TRAPPC6A: variants seen among roughly 807,000 people sequenced by gnomAD.
TRAPPC6A encodes the protein TRAPP complex subunit 6A.
In TRAPPC6A, 25 loss-of-function variants were observed where a neutral mutation model predicts 20.8. The ratio of observed to expected loss-of-function variants is 1.20; its 90% CI spans 0.88 to 1.68. The LOEUF (loss-of-function observed/expected upper bound fraction) is 1.68. TRAPPC6A is among the 40% of genes most tolerant of loss of function. TRAPPC6A has a pLI of 0.00. For synonymous variants in TRAPPC6A, 96 were observed against 93.3 expected (o/e 1.03, Z -0.16); for missense variants, 215 against 211.6 (o/e 1.02, Z -0.10).
At chr19:45,175,248 G>A (rs1239884157) in intron 1 of TRAPPC6A, among the ~76,000 whole-genome samples, 5 of 140,270 alleles carry the variant, frequency 3.6e-5, no homozygotes, top group East Asian at 2.1e-4. Flanking sequence ...GGGACAGACC[G>A]AGACTCTGTC....
At position 45,165,046 on chromosome 19, in the gene TRAPPC6A, G is replaced by A. The variant is rs963974774; in HGVS notation, c.153-76C>T. 5 of 1,608,128 alleles carry A rather than the reference G, an allele frequency of 3.1e-6. No individual in the cohort carries two copies. In the African/African-American group the frequency reaches 6.7e-5, roughly 21 times the overall value. On this transcript the variant is annotated intron_variant, in intron 2 of 5. Transcript: ENST00000585934. ...AGGAAGACAGGCCCGACTCCTGCAT[G>A]GAGCAATGCAACCCTCCCCGCCCGG...
At position 45,163,262 on chromosome 19, in the gene TRAPPC6A, G is replaced by A. The variant is rs112150864; in HGVS notation, c.449-39C>T. The A allele has an allele frequency of 1.1e-5, 17 of 1,612,168 alleles. No homozygotes were observed. The Admixed American group carries it at 2.3e-4, about 22-fold the overall frequency. ...CCTGGCTTAGGCTTGAGGATGGGATGGGGGAGGCAGAGGGCACCTGGACGG... is the reference window on the plus strand; with the variant it reads ...CCTGGCTTAGGCTTGAGGATGGGATAGGGGAGGCAGAGGGCACCTGGACGG... On this transcript the variant is annotated intron_variant, in intron 5 of 5. Transcript: ENST00000585934. This position sits in a 1 kb window ranked among gnomAD's most constrained non-coding sequence, Gnocchi z 5.3.
chr19:45,164,992 G>A (rs1969117140), intron 2 of TRAPPC6A, 22 bp from the exon 3 acceptor site: 1 of 1,612,874 alleles, frequency 6.2e-7, no homozygotes. Context: ...GTACCAAGCT[G>A]AGGCCGTGGG....
At chr19:45,167,960 T>C (rs1054652348) in intron 1 of TRAPPC6A, among the ~76,000 whole-genome samples, 1 of 151,258 alleles carries the variant, frequency 6.6e-6, no homozygotes, top group African/African-American at 2.4e-5. Context: ...ATCATGCCAC[T>C]GTACTGCAGC....
At chr19:45,176,937 G>C (rs963683409) in intron 1 of TRAPPC6A, among the ~76,000 whole-genome samples, 2 of 151,948 alleles carry the variant, frequency 1.3e-5, no homozygotes, top group Non-Finnish European at 2.9e-5. Flanking sequence ...GGGAGGCCAA[G>C]ATGGGCAGAT....
chr19:45,176,002 G>GT (rs1019493832), intron 1 of TRAPPC6A, among the ~76,000 whole-genome samples: 7 of 152,006 alleles, frequency 4.6e-5, no homozygotes, highest in Admixed American at 3.3e-4. Context: ...TAATCCCCAT[G>GT]TTTTTTTAGA....
rs1486091890 is a variant in TRAPPC6A at position 45,163,641 on chromosome 19, G to A, written c.448+275C>T. On this transcript the variant is annotated intron_variant, in intron 5 of 5. Transcript: ENST00000585934. This position sits in a 1 kb window ranked among gnomAD's most constrained non-coding sequence, Gnocchi z 5.3. ...TGCAAGTTCCCTGGAGCCTGCCGTC[G>A]CCCCCATCGAAGGATCAGTGAGGAT... 1.3e-5 allele frequency among the ~76,000 whole-genome samples: 2 copies of A among 152,162 alleles called. No homozygotes were observed. Among genetic ancestry groups the A allele is most frequent in the Admixed American group, 6.5e-5 (1 of 15,286 alleles).
chr19:45,164,781 G>A, intron 3 of TRAPPC6A, 72 bp downstream of exon 3: 1 of 1,435,838 alleles, frequency 7.0e-7, no homozygotes, highest in South Asian at 1.1e-5. Context: ...TCTGGCGCCG[G>A]GGGATTCCCC....
In TRAPPC6A at chr19:45,173,037, G is replaced by A. The variant is rs1599738522; in HGVS notation, c.84+5098C>T. On this transcript the variant is annotated intron_variant, in intron 1 of 5. Coordinates refer to ENST00000585934, the MANE Select transcript of TRAPPC6A (RefSeq NM_001270891.2). The surrounding 1 kb of genome is among the most constrained non-coding windows in gnomAD (Gnocchi z 4.8). ...AAGGGGCTGCCCAAGTGCACTCTCGGGGTGTGGTGGATGGAGGCCTGGCGC... is the reference window on the plus strand; with the variant it reads ...AAGGGGCTGCCCAAGTGCACTCTCGAGGTGTGGTGGATGGAGGCCTGGCGC... Among the ~76,000 whole-genome samples, 4 of 151,578 alleles carry A rather than the reference G, an allele frequency of 2.6e-5. No homozygotes were observed. The South Asian group carries it at 8.3e-4, about 31-fold the overall frequency.
rs569036497 is a variant in TRAPPC6A, at chr19:45,172,600, C to A, written c.84+5535G>T. Among the ~76,000 whole-genome samples, 1 of 151,620 alleles carries A rather than the reference C, an allele frequency of 6.6e-6. No individual in the cohort carries two copies. The highest frequency in any genetic ancestry group is 1.5e-5 in the Non-Finnish European group (1 of 68,022). On this transcript the variant is annotated intron_variant, in intron 1 of 5. Transcript: ENST00000585934. This position sits in a 1 kb window ranked among gnomAD's most constrained non-coding sequence, Gnocchi z 4.2. ...GTGAGTGAGGGGTGGGTGCGAGAAGCCTGCAGGACTTCCCTGCTGTTGCCC... is the reference window on the plus strand; with the variant it reads ...GTGAGTGAGGGGTGGGTGCGAGAAGACTGCAGGACTTCCCTGCTGTTGCCC...
chr19:45,164,985 C>G lies in TRAPPC6A; in HGVS notation c.153-15G>C. 2 of 1,613,662 alleles carry G rather than the reference C, an allele frequency of 1.2e-6. No individual in the cohort carries two copies. The highest frequency in any genetic ancestry group is 1.7e-6 in the Non-Finnish European group (2 of 1,179,610). On this transcript the variant is annotated splice_polypyrimidine_tract_variant and intron_variant, in intron 2 of 5. Transcript: ENST00000585934. The stretch of plus-strand genomic sequence containing the variant: ...CCCGGGGCAGCCTGGTGGGGCAGTA[C>G]CAAGCTGAGGCCGTGGGGCCAGGCC...
At chr19:45,170,545 C>T (rs575675158) in intron 1 of TRAPPC6A, among the ~76,000 whole-genome samples, 3 of 152,316 alleles carry the variant, frequency 2.0e-5, no homozygotes, top group African/African-American at 7.2e-5. Context: ...AGGCCAGGAG[C>T]GTGGAGTCTG....
chr19:45,175,375 C>G (rs895362698), intron 1 of TRAPPC6A, among the ~76,000 whole-genome samples: 1 of 150,274 alleles, frequency 6.7e-6, no homozygotes, highest in Admixed American at 6.6e-5. Context: ...TGCAGTGAGC[C>G]GAGATCGCGC....
chr19:45,164,126 G>T (rs753484647), intron 4 of TRAPPC6A, 38 bp downstream of exon 4: 2 of 1,571,784 alleles, frequency 1.3e-6, no homozygotes, highest in East Asian at 2.3e-5. Flanking sequence ...TAAACAGGAG[G>T]AAGGGAGGTG....
chr19:45,167,140 C>T (rs1969173795), intron 1 of TRAPPC6A, among the ~76,000 whole-genome samples: 1 of 152,282 alleles, frequency 6.6e-6, no homozygotes, highest in South Asian at 2.1e-4. Flanking sequence ...AATTCACATC[C>T]GGCCTTCAGC....
At chr19:45,176,443 G>A (rs111246600) in intron 1 of TRAPPC6A, among the ~76,000 whole-genome samples, 2,193 of 152,026 alleles carry the variant, frequency 0.014, 62 homozygotes, top group African/African-American at 0.047. Context: ...CAGCCTGGGC[G>A]ACAGAGCAAG....
In TRAPPC6A at chr19:45,178,127, G is replaced by A. The variant is rs1412916945; in HGVS notation, c.84+8C>T. 2 of 1,613,098 alleles carry A rather than the reference G, an allele frequency of 1.2e-6. No homozygotes were observed. The highest frequency in any genetic ancestry group is 2.2e-5 in the East Asian group (1 of 44,836). On this transcript the variant is annotated splice_region_variant and intron_variant, in intron 1 of 5. Transcript: ENST00000585934. Reference sequence around the variant, plus strand: ...CCCCGCTTCCTCCCCACGGAGCCCGGCGCTCACCCCCGGGCCGGGGTCGGG... The same window carrying A: ...CCCCGCTTCCTCCCCACGGAGCCCGACGCTCACCCCCGGGCCGGGGTCGGG...
chr19:45,177,338 T>C (rs756210916), intron 1 of TRAPPC6A, among the ~76,000 whole-genome samples: 1 of 151,800 alleles, frequency 6.6e-6, no homozygotes, highest in Non-Finnish European at 1.5e-5. Context: ...CAAAACCCCA[T>C]TATCTCTTTT....
At position 45,178,124 on chromosome 19, in the gene TRAPPC6A, C is replaced by T; in HGVS notation, c.84+11G>A. 6.2e-7 allele frequency: 1 copy of T among 1,613,264 alleles called. No individual in the cohort carries two copies. The highest frequency in any genetic ancestry group is 8.5e-7 in the Non-Finnish European group (1 of 1,179,518). On this transcript the variant is annotated intron_variant, in intron 1 of 5. Coordinates refer to ENST00000585934, the MANE Select transcript of TRAPPC6A (RefSeq NM_001270891.2). ...GGCCCCCGCTTCCTCCCCACGGAGC[C>T]CGGCGCTCACCCCCGGGCCGGGGTC... is the stretch of plus-strand genomic sequence containing the variant.
Sources: allele counts gnomAD v4.1 joint callset (sites outside exome capture counted in the v4.1 genomes callset), GRCh38; gene constraint gnomAD v4.1.1; non-coding constraint Gnocchi (gnomAD v3.1); transcripts MANE v1.5; gene names NCBI Gene and HGNC (gene_info 2026-07-23, HGNC 2026-07-21).